The following TENM3 variants were observed in gnomAD, a reference collection of about 807,000 sequenced individuals.
TENM3 encodes the protein teneurin transmembrane protein 3, also known as teneurin-3.
In TENM3, 63 loss-of-function variants were observed where a neutral mutation model predicts 255.1. The observed-to-expected ratio is 0.25, with a 90% CI of 0.20 to 0.30. TENM3 has a LOEUF of 0.30. Among genes scored for constraint, TENM3 ranks in the 10% least tolerant of loss-of-function variants. The pLI, the probability that TENM3 is intolerant of heterozygous loss-of-function variation, is 1.00. For synonymous variants in TENM3, 1,306 were observed against 1,322.3 expected (o/e 0.99, Z 0.27); for missense variants, 2,929 against 3,461.1 (o/e 0.85, Z 3.86).
At chr4:182,550,478 C>T (rs949841088) in intron 3 of TENM3, among the ~76,000 whole-genome samples, 2 of 152,156 alleles carry the variant, frequency 1.3e-5, no homozygotes, top group African/African-American at 4.8e-5. Context: ...ACCTTTCTCT[C>T]AGGTGGTAGC....
the TENM3 span, among the ~76,000 whole-genome samples, chr4:181,756,067 A>G: frequency 6.6e-6 from 1 of 152,194 alleles, no homozygotes. Context: ...GGAGTTGGCC[A>G]CTGACCAAGA....
the TENM3 span, among the ~76,000 whole-genome samples, chr4:182,094,669 C>G: frequency 6.6e-6 from 1 of 152,020 alleles, no homozygotes; most frequent in South Asian, 2.1e-4. Flanking sequence ...GAATAATACC[C>G]CAACAGACAA....
At chr4:181,775,949 A>G in the TENM3 span, among the ~76,000 whole-genome samples, 1 of 152,134 alleles carries the variant, frequency 6.6e-6, no homozygotes, top group African/African-American at 2.4e-5. Flanking sequence ...TCTACTGACT[A>G]TGTTGAAATA....
the TENM3 span, among the ~76,000 whole-genome samples, chr4:181,496,659 G>A: frequency 0.092 from 13,917 of 151,790 alleles, 563 homozygotes; most frequent in South Asian, 0.23. Context: ...TTACTATGGC[G>A]TGTGTTTGAA....
chr4:181,743,988 C>T, the TENM3 span, among the ~76,000 whole-genome samples: 24 of 152,178 alleles, frequency 1.6e-4, no homozygotes, highest in Admixed American at 5.2e-4. Context: ...CACCCAACCC[C>T]GACAGGCCCC....
At chr4:182,066,716 C>A in the TENM3 span, among the ~76,000 whole-genome samples, 8 of 151,712 alleles carry the variant, frequency 5.3e-5, no homozygotes, top group East Asian at 1.9e-4. Context: ...CGAGACCGTC[C>A]TGGCTAACAC....
chr4:182,743,201 G>T lies in TENM3; in HGVS notation c.3411G>T (p.Gln1137His), dbSNP rs1761733819. Residue 1137 changes from glutamine to histidine, a missense_variant, in exon 19 of 28, where the codon CAG becomes CAT. Physicochemically the swap from Gln to His is conservative, Grantham distance 24. This residue lies in a region of TENM3 where 1,608 missense variants were observed against 1,884.4 expected (regional missense o/e 0.85). Transcript: ENST00000511685. Reference sequence around the variant, plus strand: ...TGTACAAGGGAAACGGGGAAAACCAGTTCATCTCCCAGCAGCCTCCAGTCG... The same window carrying T: ...TGTACAAGGGAAACGGGGAAAACCATTTCATCTCCCAGCAGCCTCCAGTCG... Reference protein sequence around the residue: ...GILYKGNGENQFISQQPPVVS... With the variant: ...GILYKGNGENHFISQQPPVVS... The T allele has an allele frequency of 6.2e-7, 1 of 1,613,536 alleles. No individual in the cohort carries two copies. The highest frequency in any genetic ancestry group is 8.5e-7 in the Non-Finnish European group (1 of 1,179,596).
chr4:182,621,054 G>A (rs1053576321), intron 4 of TENM3, among the ~76,000 whole-genome samples: 6 of 152,018 alleles, frequency 3.9e-5, no homozygotes, highest in African/African-American at 9.7e-5. Flanking sequence ...GGTGGCGGGC[G>A]CCTGTAGTCC....
chr4:182,188,791 C>A (rs928402487), intron 1 of TENM3, among the ~76,000 whole-genome samples: 15 of 152,164 alleles, frequency 9.9e-5, no homozygotes, highest in African/African-American at 3.6e-4. Flanking sequence ...CAGTAATAGT[C>A]TTCTCCAAAG....
the TENM3 span, among the ~76,000 whole-genome samples, chr4:181,853,800 C>A: frequency 1.3e-5 from 2 of 152,192 alleles, no homozygotes; most frequent in Non-Finnish European, 2.9e-5. Flanking sequence ...TGGCAGATTG[C>A]TCTGCCCAGC....
chr4:181,641,546 G>GTA, the TENM3 span, among the ~76,000 whole-genome samples: 14,347 of 37,814 alleles, frequency 0.38, 2,310 homozygotes, highest in Admixed American at 0.45. Context: ...GTATTCCATG[G>GTA]TGTGTGTGTA....
At chr4:181,736,168 C>T in the TENM3 span, among the ~76,000 whole-genome samples, 8 of 151,982 alleles carry the variant, frequency 5.3e-5, no homozygotes, top group South Asian at 2.1e-4. Flanking sequence ...CGTGGTGGCA[C>T]GTGCCTGTAG....
At chr4:182,559,584 C>T (rs1237216815) in intron 3 of TENM3, among the ~76,000 whole-genome samples, 2 of 152,040 alleles carry the variant, frequency 1.3e-5, no homozygotes, top group East Asian at 3.9e-4. Context: ...AAAATGCTTA[C>T]CTTATGCAAG....
In TENM3 at chr4:182,384,466, C is replaced by T. The variant is rs79481463; in HGVS notation, c.511+37537C>T. ...TAAACAAAGAAATGCATTTGTTATA[C>T]TTAGTGCCCCCAAAATCATTTGTAC... On this transcript the variant is annotated intron_variant, in intron 3 of 27. Transcript: ENST00000511685. Among the ~76,000 whole-genome samples the T allele has an allele frequency of 9.4e-3, 1,424 of 152,226 alleles. 37 individuals are homozygous for T. The highest frequency in any genetic ancestry group is 0.033 in the African/African-American group (1,383 of 41,528).
the TENM3 span, among the ~76,000 whole-genome samples, chr4:181,929,165 T>C: frequency 1.3e-5 from 2 of 152,102 alleles, no homozygotes; most frequent in African/African-American, 2.4e-5. Context: ...CAGGATCAAA[T>C]TCACACATAA....
chr4:182,799,025 C>T lies in TENM3; in HGVS notation c.7345-571C>T, dbSNP rs1373250716. ...AGTAACAAATATCGTCTCCAGCTGC[C>T]CCACCTTCCACTCATCCCTGTACAT... On this transcript the variant is annotated intron_variant, in intron 27 of 27. Transcript: ENST00000511685. This position sits in a 1 kb window ranked among gnomAD's most constrained non-coding sequence, Gnocchi z 4.2. 6.6e-6 allele frequency among the ~76,000 whole-genome samples: 1 copy of T among 152,186 alleles called. No individual in the cohort carries two copies. Among genetic ancestry groups the T allele is most frequent in the Non-Finnish European group, 1.5e-5 (1 of 68,040 alleles).
chr4:182,404,374 TTCA>T (rs1769412530), intron 3 of TENM3, among the ~76,000 whole-genome samples: 1 of 152,214 alleles, frequency 6.6e-6, no homozygotes, highest in African/African-American at 2.4e-5. Context: ...AATGAAGTAA[TTCA>T]TCACTTTAAA....
intron 12 of TENM3, 119 bp downstream of exon 12, chr4:182,688,470 A>C: frequency 2.6e-6 from 2 of 774,092 alleles, no homozygotes; most frequent in Non-Finnish European, 3.7e-6. Flanking sequence ...TGTCTTTCTT[A>C]ACACGAAATT....
chr4:182,638,377 G>A (rs545416278), intron 5 of TENM3, among the ~76,000 whole-genome samples: 78 of 152,196 alleles, frequency 5.1e-4, no homozygotes, highest in South Asian at 2.3e-3. Context: ...CATCGCAAAA[G>A]CTGTTTGGAG....
Sources: allele counts gnomAD v4.1 joint callset (sites outside exome capture counted in the v4.1 genomes callset), GRCh38; gene constraint gnomAD v4.1.1; regional missense constraint gnomAD v4.1.1; non-coding constraint Gnocchi (gnomAD v3.1); transcripts MANE v1.5; gene names NCBI Gene and HGNC (gene_info 2026-07-23, HGNC 2026-07-21).